Variants in ALKBH8 observed in about 807,000 individuals in gnomAD.
ALKBH8 encodes the protein alkB homolog 8, tRNA methyltransferase.
In ALKBH8, 36 loss-of-function variants were observed where a neutral mutation model predicts 59.8. The ratio of observed to expected loss-of-function variants is 0.60; its 90% CI spans 0.46 to 0.79. ALKBH8 has a LOEUF of 0.79. Ranked by LOEUF, ALKBH8 falls within the 30% of genes least tolerant of loss-of-function variation. ALKBH8 has a pLI of 0.00. For synonymous variants in ALKBH8, 276 were observed against 273.6 expected, an observed-to-expected ratio of 1.01 and a Z score of -0.09; for missense variants, 768 against 801.0, an observed-to-expected ratio of 0.96 and a Z score of 0.50.
At chr11:107,519,142 A>G (rs1338346377) in intron 10 of ALKBH8, among the ~76,000 whole-genome samples, 1 of 151,722 alleles carries the variant, frequency 6.6e-6, no homozygotes, top group Non-Finnish European at 1.5e-5. Context: ...TCTCACTCTT[A>G]TTGCCCAGGC....
Position 107,522,550 on chromosome 11 carries a change from G to A in ALKBH8, c.1036C>T (p.Pro346Ser). 5 of 1,550,626 alleles carry A rather than the reference G, an allele frequency of 3.2e-6. No homozygotes were observed. The highest frequency in any genetic ancestry group is 4.4e-6 in the Non-Finnish European group (5 of 1,146,742). ...TTCCTCTGGCTATCACAGACCAACG[G>A]GTAACCTTAATGAAAAAGCAATACA... is the stretch of plus-strand genomic sequence containing the variant. ...VRQTPCNCSY[P>S]LVCDSQRKET... Residue 346 changes from proline to serine, a missense_variant, in exon 10 of 12, where the codon CCG becomes TCG. By Grantham distance (74) the Pro-to-Ser change is moderately conservative (BLOSUM62 -1). Coordinates refer to ENST00000428149, the MANE Select transcript of ALKBH8 (RefSeq NM_138775.3).
In ALKBH8 at chr11:107,505,520, G is replaced by A. The variant is rs192642606; in HGVS notation, c.1438-305C>T. Among the ~76,000 whole-genome samples the A allele has an allele frequency of 4.6e-5, 7 of 152,168 alleles. No individual in the cohort carries two copies. In the East Asian group the frequency reaches 5.8e-4, roughly 13 times the overall value. ...GATGACTTCTTCTAGGGCTATAAGC[G>A]GTAATATGAAGCACTTTGACATTAA... On this transcript the variant is annotated intron_variant, in intron 11 of 11. Transcript: ENST00000428149.
chr11:107,542,555 G>A (rs989366419), intron 7 of ALKBH8, among the ~76,000 whole-genome samples: 12 of 152,084 alleles, frequency 7.9e-5, no homozygotes, highest in African/African-American at 1.7e-4. Context: ...CAGAAAACAT[G>A]GGATGCAATA....
At chr11:107,545,577 T>C (rs1252436850) in intron 7 of ALKBH8, among the ~76,000 whole-genome samples, 2 of 152,164 alleles carry the variant, frequency 1.3e-5, no homozygotes, top group Non-Finnish European at 2.9e-5. Context: ...TACCCAACTA[T>C]CCAATTATCC....
Position 107,532,444 on chromosome 11 carries a change from A to T in ALKBH8, c.772-38T>A, listed in dbSNP as rs1354557021. On this transcript the variant is annotated intron_variant, in intron 7 of 11. Coordinates refer to ENST00000428149, the MANE Select transcript of ALKBH8 (RefSeq NM_138775.3). ...ATAAAAGCATAAAGATCAATCCAAA[A>T]TTTCATATACTCCAAGGATAAGAAT... 2.7e-6 allele frequency: 4 copies of T among 1,482,906 alleles called. No homozygotes were observed. The East Asian group carries it at 9.1e-5, about 34-fold the overall frequency. The allele number at this position is 1,482,906 out of a possible 1,614,324, so 91.9% of individuals were successfully genotyped here.
intron 7 of ALKBH8, among the ~76,000 whole-genome samples, chr11:107,541,597 T>C (rs564441061): frequency 1.9e-4 from 29 of 152,348 alleles, no homozygotes; most frequent in Non-Finnish European, 2.9e-4. Flanking sequence ...TTGGAGTTGA[T>C]ACTACACAGC....
At position 107,540,481 on chromosome 11, in the gene ALKBH8, T is replaced by C. The variant is rs115135322; in HGVS notation, c.772-8075A>G. Reference sequence around the variant, plus strand: ...CTAGACACACTGTCAAATGTTACAATACAGAACAAAATATATGTTGCATAA... The same window carrying C: ...CTAGACACACTGTCAAATGTTACAACACAGAACAAAATATATGTTGCATAA... On this transcript the variant is annotated intron_variant, in intron 7 of 11. Transcript: ENST00000428149. Among the ~76,000 whole-genome samples, 786 of 152,286 alleles carry C rather than the reference T, an allele frequency of 5.2e-3. 4 individuals carry two copies. The highest frequency in any genetic ancestry group is 0.018 in the African/African-American group (742 of 41,552).
intron 7 of ALKBH8, among the ~76,000 whole-genome samples, chr11:107,538,616 T>A (rs896456039): frequency 6.6e-6 from 1 of 152,206 alleles, no homozygotes; most frequent in Admixed American, 6.5e-5. Flanking sequence ...ATTCTCATCT[T>A]ATACAACTTT....
chr11:107,554,981 T>A (rs1452779175), intron 3 of ALKBH8, among the ~76,000 whole-genome samples: 1 of 152,240 alleles, frequency 6.6e-6, no homozygotes, highest in Admixed American at 6.5e-5. Flanking sequence ...TTGTGATGGC[T>A]GGGTGCGGTG....
intron 11 of ALKBH8, among the ~76,000 whole-genome samples, chr11:107,508,780 C>G (rs778241291): frequency 1.3e-5 from 2 of 152,190 alleles, no homozygotes; most frequent in Non-Finnish European, 2.9e-5. Context: ...CCTTTTGCAT[C>G]TGGCTTATTT....
chr11:107,528,515 T>C (rs1048428747), intron 8 of ALKBH8, among the ~76,000 whole-genome samples: 87 of 152,188 alleles, frequency 5.7e-4, no homozygotes, highest in Non-Finnish European at 4.1e-4. Context: ...ATTAAAACTA[T>C]GGTAGTGAAC....
intron 10 of ALKBH8, among the ~76,000 whole-genome samples, chr11:107,512,081 G>A (rs1370346012): frequency 6.6e-6 from 1 of 152,076 alleles, no homozygotes; most frequent in Non-Finnish European, 1.5e-5. Context: ...CATGCCTTAT[G>A]TATGCATCTG....
intron 1 of ALKBH8, chr11:107,563,590 A>C (rs1865020321): frequency 6.6e-6 from 1 of 152,210 alleles, no homozygotes; most frequent in Admixed American, 6.5e-5. Context: ...TTAACAAAAC[A>C]AAGAATATCT....
chr11:107,519,629 G>A (rs190697306), intron 10 of ALKBH8, among the ~76,000 whole-genome samples: 2 of 152,266 alleles, frequency 1.3e-5, no homozygotes, highest in East Asian at 3.9e-4. Flanking sequence ...TGGAATATCT[G>A]CAGAATACAT....
At position 107,553,141 on chromosome 11, in the gene ALKBH8, T is replaced by C. The variant is rs1864564932; in HGVS notation, c.562A>G (p.Asn188Asp). The C allele has an allele frequency of 6.2e-7, 1 of 1,609,428 alleles. No individual in the cohort carries two copies. The highest frequency in any genetic ancestry group is 1.3e-5 in the African/African-American group (1 of 74,804). ...HFGYEFHYEN[N>D]NVDKDKPLSG... ...AATGGCTTATCTTTATCTACATTGT[T>C]GTTCTCATAGTGGAACTCATAACCA... Residue 188 changes from asparagine (N) to aspartate (D), a missense_variant, in exon 5 of 12, where the codon AAC becomes GAC. Transcript: ENST00000428149.
At chr11:107,553,028 C>A in intron 5 of ALKBH8, 80 bp downstream of exon 5, 1 of 809,926 alleles carries the variant, frequency 1.2e-6, no homozygotes. Context: ...ACAAAAGAAA[C>A]ATAATCCCCC....
intron 8 of ALKBH8, among the ~76,000 whole-genome samples, chr11:107,529,125 G>A (rs1057481073): frequency 2.0e-5 from 3 of 152,142 alleles, no homozygotes; most frequent in African/African-American, 7.2e-5. Flanking sequence ...TCTGATCCTG[G>A]CTCTGCGACT....
In ALKBH8 at chr11:107,549,799, T is replaced by C; in HGVS notation, c.725A>G (p.His242Arg). Residue 242 changes from histidine to arginine, a missense_variant, in exon 7 of 12, where the codon CAT (histidine) becomes CGT (arginine). Physicochemically the swap from His to Arg is conservative, Grantham distance 29. Coordinates refer to ENST00000428149, the MANE Select transcript of ALKBH8 (RefSeq NM_138775.3). ...GQGIPAHIDT[H>R]SAFEDEIVSL... ...AACGATCTCATCCTCAAAAGCGGAA[T>C]GTGTATCAATATGAGCGGGAATTCC... 1.3e-6 allele frequency: 2 copies of C among 1,550,246 alleles called. No individual in the cohort carries two copies. Among genetic ancestry groups the C allele is most frequent in the Non-Finnish European group, 1.7e-6 (2 of 1,145,858 alleles).
In ALKBH8 at chr11:107,530,622, C is replaced by CACAA. The variant is rs1224730538; in HGVS notation, c.878+1677_878+1678insTTGT. On this transcript the variant is annotated intron_variant, in intron 8 of 11. Transcript: ENST00000428149. ...CCTAACACACACACACACACACACA[C>CACAA]ACACACACACACACACACACACACA... Among the ~76,000 whole-genome samples the CACAA allele has an allele frequency of 1.0e-4, 15 of 149,240 alleles. No individual in the cohort carries two copies. The East Asian group carries it at 2.4e-3, about 24-fold the overall frequency.
Sources: gnomAD v4.1 joint callset for allele counts (sites outside exome capture counted in the v4.1 genomes callset) on GRCh38, gnomAD v4.1.1 for gene constraint, MANE v1.5 for transcripts, NCBI Gene and HGNC (gene_info 2026-07-23, HGNC 2026-07-21) for gene names.